Variants in RABGAP1L observed in about 807,000 individuals in gnomAD.
RABGAP1L encodes rab GTPase-activating protein 1-like.
Under a neutral mutation model 137.7 loss-of-function variants are expected in RABGAP1L, and 63 were observed. The ratio of observed to expected loss-of-function variants is 0.46; its 90% CI spans 0.37 to 0.56. The LOEUF (loss-of-function observed/expected upper bound fraction) is 0.56. RABGAP1L is among the 20% of genes least tolerant of loss of function. The pLI is 0.00. For synonymous variants in RABGAP1L, 431 were observed against 433.7 expected (o/e 0.99, Z 0.08); for missense variants, 1,095 against 1,244.0 (o/e 0.88, Z 1.80).
intron 5 of RABGAP1L, among the ~76,000 whole-genome samples, chr1:174,249,891 C>T (rs1293609417): frequency 6.6e-6 from 1 of 152,132 alleles, no homozygotes; most frequent in Non-Finnish European, 1.5e-5. Context: ...ATCTGCCTGC[C>T]TTGGCCTCCC....
intron 19 of RABGAP1L, among the ~76,000 whole-genome samples, chr1:174,926,710 T>A (rs1319671466): frequency 2.6e-5 from 4 of 152,146 alleles, no homozygotes; most frequent in Non-Finnish European, 5.9e-5. Context: ...ATGAAGATTT[T>A]TGCCTTTTCT....
At chr1:174,831,700 G>C (rs1438681645) in intron 19 of RABGAP1L, among the ~76,000 whole-genome samples, 3 of 147,660 alleles carry the variant, frequency 2.0e-5, no homozygotes, top group African/African-American at 7.4e-5. Flanking sequence ...TTTTCATGGA[G>C]GTTCATGGGT....
intron 11 of RABGAP1L, among the ~76,000 whole-genome samples, chr1:174,312,178 A>G (rs10912759): frequency 0.29 from 44,458 of 152,030 alleles, 7,279 homozygotes; most frequent in African/African-American, 0.43. Context: ...AAACTGTTCT[A>G]TATAGTGGTT....
At chr1:174,222,571 C>T (rs1669841228) in intron 3 of RABGAP1L, among the ~76,000 whole-genome samples, 2 of 152,248 alleles carry the variant, frequency 1.3e-5, no homozygotes, top group South Asian at 4.1e-4. Context: ...ATGTAAAGTT[C>T]TTGGAAAACT....
chr1:174,829,587 A>G (rs1691897392), intron 19 of RABGAP1L, among the ~76,000 whole-genome samples: 1 of 148,388 alleles, frequency 6.7e-6, no homozygotes, highest in Non-Finnish European at 1.5e-5. Context: ...TCATTTGCAT[A>G]AGTTTCTTAG....
At chr1:174,920,195 C>T (rs1284756852) in intron 19 of RABGAP1L, among the ~76,000 whole-genome samples, 1 of 152,148 alleles carries the variant, frequency 6.6e-6, no homozygotes, top group African/African-American at 2.4e-5. Context: ...AAAGACATAC[C>T]TGAGACTGGG....
chr1:174,596,259 C>G (rs1477202896), intron 13 of RABGAP1L, among the ~76,000 whole-genome samples: 4 of 149,972 alleles, frequency 2.7e-5, no homozygotes, highest in Admixed American at 6.6e-5. Flanking sequence ...GTCTGGCACT[C>G]CCTAGTGAGA....
chr1:174,781,326 A>G (rs945492442), intron 18 of RABGAP1L, among the ~76,000 whole-genome samples: 12 of 152,178 alleles, frequency 7.9e-5, no homozygotes, highest in Non-Finnish European at 1.2e-4. Flanking sequence ...GCCAGTGATG[A>G]TGAGCATTTT....
intron 14 of RABGAP1L, among the ~76,000 whole-genome samples, chr1:174,639,528 T>C (rs1674351399): frequency 6.6e-6 from 1 of 152,148 alleles, no homozygotes; most frequent in South Asian, 2.1e-4. Context: ...GAGGGTCTGG[T>C]TTATGGCATA....
chr1:174,671,252 A>G (rs766439162), intron 14 of RABGAP1L, among the ~76,000 whole-genome samples: 4 of 152,310 alleles, frequency 2.6e-5, no homozygotes, highest in Non-Finnish European at 2.9e-5. Context: ...GGTTTTCCAT[A>G]TATAAAATGA....
In RABGAP1L at chr1:174,761,890, T is replaced by C. The variant is rs1685258607; in HGVS notation, c.2211+9536T>C. ...ATATCAACAATAAACATAATAAATA[T>C]ATAAATATAGTATATTAGAAGTTAT... On this transcript the variant is annotated intron_variant, in intron 18 of 25. Coordinates refer to ENST00000681986, the MANE Select transcript of RABGAP1L (RefSeq NM_001366446.1). The surrounding 1 kb of genome is among the most constrained non-coding windows in gnomAD (Gnocchi z 4.0). Among the ~76,000 whole-genome samples, 1 of 151,908 alleles carries C rather than the reference T, an allele frequency of 6.6e-6. No homozygotes were observed. Among genetic ancestry groups the C allele is most frequent in the African/African-American group, 2.4e-5 (1 of 41,374 alleles).
intron 13 of RABGAP1L, among the ~76,000 whole-genome samples, chr1:174,530,048 G>A (rs1416237872): frequency 2.0e-5 from 3 of 151,968 alleles, no homozygotes; most frequent in African/African-American, 4.8e-5. Context: ...GGGTCAATGC[G>A]CATGCTACCG....
At chr1:174,732,946 G>A (rs958174716) in intron 17 of RABGAP1L, among the ~76,000 whole-genome samples, 2 of 152,116 alleles carry the variant, frequency 1.3e-5, no homozygotes, top group Non-Finnish European at 1.5e-5. Context: ...GTGCTTAACT[G>A]TGTGTCAGAC....
chr1:174,659,501 A>G (rs539482809), intron 14 of RABGAP1L, among the ~76,000 whole-genome samples: 14 of 152,120 alleles, frequency 9.2e-5, no homozygotes, highest in Non-Finnish European at 1.9e-4. Flanking sequence ...GGCTTCTACT[A>G]CTTTTTTTCT....
intron 19 of RABGAP1L, among the ~76,000 whole-genome samples, chr1:174,873,979 T>C (rs2149063343): frequency 6.6e-6 from 1 of 152,318 alleles, no homozygotes; most frequent in East Asian, 1.9e-4. Context: ...CACTTGAGAA[T>C]AGATGGTTTA....
chr1:174,587,115 A>G (rs1385442346), intron 13 of RABGAP1L, among the ~76,000 whole-genome samples: 1 of 151,282 alleles, frequency 6.6e-6, no homozygotes, highest in Non-Finnish European at 1.5e-5. Context: ...TCCATGGTGT[A>G]TATGTGCCAC....
intron 17 of RABGAP1L, among the ~76,000 whole-genome samples, chr1:174,744,950 G>T (rs1683756779): frequency 6.6e-6 from 1 of 152,138 alleles, no homozygotes. Context: ...TACTGTTTTT[G>T]CAAAGTTTTT....
intron 13 of RABGAP1L, among the ~76,000 whole-genome samples, chr1:174,415,875 T>A (rs1406949972): frequency 6.6e-6 from 1 of 151,900 alleles, no homozygotes; most frequent in Non-Finnish European, 1.5e-5. Context: ...CACATAATTT[T>A]TGACTCATTC....
At chr1:174,736,185 A>T (rs1682930400) in intron 17 of RABGAP1L, among the ~76,000 whole-genome samples, 1 of 152,234 alleles carries the variant, frequency 6.6e-6, no homozygotes, top group South Asian at 2.1e-4. Flanking sequence ...CTATGAGGTT[A>T]AATACAAGTT....
Sources: allele counts gnomAD v4.1 joint callset (sites outside exome capture counted in the v4.1 genomes callset), GRCh38; gene constraint gnomAD v4.1.1; non-coding constraint Gnocchi (gnomAD v3.1); transcripts MANE v1.5; gene names NCBI Gene and HGNC (gene_info 2026-07-23, HGNC 2026-07-21).